GRIA1: variants seen among roughly 807,000 people sequenced by gnomAD.
The protein encoded by GRIA1 is glutamate receptor 1.
In GRIA1, 31 loss-of-function variants were observed where a neutral mutation model predicts 99.2. The ratio of observed to expected loss-of-function variants is 0.31; its 90% CI spans 0.23 to 0.42. The LOEUF (loss-of-function observed/expected upper bound fraction) is 0.42, where lower values mean the gene tolerates loss of function less well. Ranked by LOEUF, GRIA1 falls within the 10% of genes least tolerant of loss-of-function variation. The probability of loss-of-function intolerance (pLI) is 1.00; values close to 1 mark genes in which losing one functional copy is unlikely to be tolerated. For synonymous variants in GRIA1, 438 were observed against 432.4 expected (o/e 1.01, Z -0.16); for missense variants, 782 against 1,157.5 (o/e 0.68, Z 4.71).
chr5:153,584,314 C>T (rs1763289276), intron 2 of GRIA1, among the ~76,000 whole-genome samples: 1 of 152,198 alleles, frequency 6.6e-6, no homozygotes, highest in Admixed American at 6.5e-5. Flanking sequence ...CTTGGGTTAG[C>T]ATGTGGGTGG....
chr5:153,795,080 T>C (rs1765563087), intron 14 of GRIA1, among the ~76,000 whole-genome samples: 2 of 152,114 alleles, frequency 1.3e-5, no homozygotes, highest in Admixed American at 1.3e-4. Context: ...GTGCCCTTTT[T>C]TTCAAAGGGC....
intron 2 of GRIA1, among the ~76,000 whole-genome samples, chr5:153,635,542 G>A (rs1420146612): frequency 6.6e-6 from 1 of 152,168 alleles, no homozygotes. Flanking sequence ...CCCCAGATGA[G>A]GCTGAGTGAA....
At chr5:153,786,819 G>A (rs1030743939) in intron 13 of GRIA1, among the ~76,000 whole-genome samples, 5 of 152,204 alleles carry the variant, frequency 3.3e-5, no homozygotes, top group Non-Finnish European at 7.3e-5. Context: ...AAGGAGAACA[G>A]CAAGAAGCAA....
intron 4 of GRIA1, among the ~76,000 whole-genome samples, chr5:153,654,842 G>T (rs1387012978): frequency 6.6e-6 from 1 of 152,150 alleles, no homozygotes; most frequent in East Asian, 1.9e-4. Flanking sequence ...TAGGGAATTA[G>T]ATCTAGTTAA....
At chr5:153,697,676 G>C (rs544423396) in intron 8 of GRIA1, among the ~76,000 whole-genome samples, 1 of 152,078 alleles carries the variant, frequency 6.6e-6, no homozygotes, top group Non-Finnish European at 1.5e-5. Context: ...GAAGTGCAGG[G>C]TTAGTAGACA....
At chr5:153,684,539 A>G (rs1452582303) in intron 7 of GRIA1, among the ~76,000 whole-genome samples, 1 of 152,190 alleles carries the variant, frequency 6.6e-6, no homozygotes, top group Non-Finnish European at 1.5e-5. Flanking sequence ...ATAATTAATG[A>G]CACTTTCAGT....
chr5:153,588,822 T>C (rs1384695472), intron 2 of GRIA1, among the ~76,000 whole-genome samples: 1 of 152,172 alleles, frequency 6.6e-6, no homozygotes, highest in African/African-American at 2.4e-5. Flanking sequence ...TTAGAACAAC[T>C]TCTTTCGCAT....
At chr5:153,586,900 T>G in intron 2 of GRIA1, among the ~76,000 whole-genome samples, 1 of 152,228 alleles carries the variant, frequency 6.6e-6, no homozygotes, top group Non-Finnish European at 1.5e-5. Context: ...GATAGTCCAC[T>G]TGAGGCACGT....
At chr5:153,619,617 G>T (rs1235614573) in intron 2 of GRIA1, among the ~76,000 whole-genome samples, 1 of 151,906 alleles carries the variant, frequency 6.6e-6, no homozygotes, top group Non-Finnish European at 1.5e-5. Context: ...AAGCAATGAG[G>T]ACTAGCCATT....
At chr5:153,576,177 C>T (rs1258334344) in intron 2 of GRIA1, among the ~76,000 whole-genome samples, 1 of 152,208 alleles carries the variant, frequency 6.6e-6, no homozygotes, top group Admixed American at 6.5e-5. Context: ...AACAGCTTAA[C>T]TTGAACTAAA....
intron 13 of GRIA1, among the ~76,000 whole-genome samples, chr5:153,772,095 GAAAAT>G (rs1763919623): frequency 1.3e-5 from 2 of 152,172 alleles, no homozygotes; most frequent in Non-Finnish European, 2.9e-5. Flanking sequence ...CCTCAGATTT[GAAAAT>G]CAGTCTTAAG....
At chr5:153,674,184 T>C (rs1415434220) in intron 5 of GRIA1, among the ~76,000 whole-genome samples, 1 of 152,244 alleles carries the variant, frequency 6.6e-6, no homozygotes, top group Non-Finnish European at 1.5e-5. Context: ...CGTTGCATTG[T>C]ATGTTTACCC....
intron 2 of GRIA1, among the ~76,000 whole-genome samples, chr5:153,632,348 T>C (rs1753040513): frequency 6.6e-6 from 1 of 152,226 alleles, no homozygotes; most frequent in Admixed American, 6.5e-5. Flanking sequence ...ATATTTTCTT[T>C]AGTCAATCTG....
At chr5:153,689,560 T>A (rs4318827) in intron 8 of GRIA1, among the ~76,000 whole-genome samples, 108,166 of 152,052 alleles carry the variant, frequency 0.71, 38,930 homozygotes, top group East Asian at 0.96. Context: ...TATATTGGGG[T>A]TATACTGAAG....
intron 11 of GRIA1, among the ~76,000 whole-genome samples, chr5:153,730,835 G>A (rs1337015648): frequency 6.6e-6 from 1 of 152,062 alleles, no homozygotes; most frequent in East Asian, 1.9e-4. Flanking sequence ...TATTTCAATG[G>A]CATAATTCAT....
chr5:153,567,525 C>G (rs368488281), intron 2 of GRIA1, among the ~76,000 whole-genome samples: 31 of 152,294 alleles, frequency 2.0e-4, no homozygotes, highest in African/African-American at 7.5e-4. Flanking sequence ...AGCAGGATCT[C>G]TGACCTCTAC....
intron 7 of GRIA1, among the ~76,000 whole-genome samples, chr5:153,682,706 C>T (rs1757064131): frequency 6.6e-6 from 1 of 152,158 alleles, no homozygotes; most frequent in Non-Finnish European, 1.5e-5. Context: ...TTCCCACGGG[C>T]CCATGCTCTA....
At chr5:153,668,670 G>A (rs1755925828) in intron 5 of GRIA1, among the ~76,000 whole-genome samples, 2 of 152,156 alleles carry the variant, frequency 1.3e-5, no homozygotes, top group Non-Finnish European at 2.9e-5. Context: ...CTGACCCCTT[G>A]CATAGATGTG....
chr5:153,635,132 G>A (rs1753255483), intron 2 of GRIA1, among the ~76,000 whole-genome samples: 1 of 152,138 alleles, frequency 6.6e-6, no homozygotes, highest in East Asian at 1.9e-4. Flanking sequence ...GTTGGCCTAG[G>A]AAAACCCATT....
Sources: gnomAD v4.1 joint callset for allele counts (sites outside exome capture counted in the v4.1 genomes callset) on GRCh38, gnomAD v4.1.1 for gene constraint, MANE v1.5 for transcripts, NCBI Gene and HGNC (gene_info 2026-07-23, HGNC 2026-07-21) for gene names.